The following SUGCT variants were observed in gnomAD, a reference collection of about 807,000 sequenced individuals.
SUGCT encodes the protein succinyl-CoA:glutarate CoA-transferase.
In SUGCT, 41 loss-of-function variants were observed where a neutral mutation model predicts 55.0. The observed-to-expected ratio is 0.74, with a 90% CI of 0.58 to 0.97. The LOEUF is 0.97. Among genes scored for constraint, SUGCT ranks in the 50% least tolerant of loss-of-function variants. The pLI, the probability that SUGCT is intolerant of heterozygous loss-of-function variation, is 0.00. For missense variants in SUGCT, 568 were observed against 547.8 expected, an observed-to-expected ratio of 1.04 and a Z score of -0.37; for synonymous variants, 187 against 200.4, an observed-to-expected ratio of 0.93 and a Z score of 0.56.
rs1274722376 is a variant in SUGCT, at chr7:40,702,358, A to C, written c.1090-47076A>C. Among the ~76,000 whole-genome samples the C allele has an allele frequency of 6.6e-5, 10 of 152,240 alleles. 1 individual carries two copies. Among genetic ancestry groups the C allele is most frequent in the Admixed American group, 5.9e-4 (9 of 15,284 alleles). On this transcript the variant is annotated intron_variant, in intron 12 of 13. Transcript: ENST00000335693. ...TGTGAAAGAAACTTGGCACTGTTCCAGGTGAGGGAAATAATAGAGTGAAAA... is the reference window on the plus strand; with the variant it reads ...TGTGAAAGAAACTTGGCACTGTTCCCGGTGAGGGAAATAATAGAGTGAAAA...
chr7:40,786,380 A>T (rs1790014227), intron 13 of SUGCT, among the ~76,000 whole-genome samples: 1 of 152,224 alleles, frequency 6.6e-6, no homozygotes, highest in African/African-American at 2.4e-5. Flanking sequence ...ATTCAATGTA[A>T]CACTTTTGAT....
chr7:40,853,464 A>G (rs1793961115), intron 13 of SUGCT, among the ~76,000 whole-genome samples: 1 of 152,116 alleles, frequency 6.6e-6, no homozygotes, highest in Non-Finnish European at 1.5e-5. Context: ...TCCCGGGCTC[A>G]AGAAATTCTC....
intron 7 of SUGCT, among the ~76,000 whole-genome samples, chr7:40,240,469 G>T (rs1181637405): frequency 2.6e-5 from 4 of 151,054 alleles, no homozygotes; most frequent in African/African-American, 4.9e-5. Flanking sequence ...GGTGACAAGA[G>T]CGAAACTCCA....
At chr7:40,690,824 C>A (rs886257586) in intron 12 of SUGCT, among the ~76,000 whole-genome samples, 8 of 152,262 alleles carry the variant, frequency 5.3e-5, no homozygotes, top group African/African-American at 1.2e-4. Context: ...GCCATCCACA[C>A]TCCTCAGCCT....
intron 11 of SUGCT, among the ~76,000 whole-genome samples, chr7:40,468,809 G>C (rs561751320): frequency 6.6e-6 from 1 of 152,134 alleles, no homozygotes; most frequent in African/African-American, 2.4e-5. Context: ...TGATTCCTTA[G>C]TGTAAATACA....
At chr7:40,810,208 C>T (rs1791336039) in intron 13 of SUGCT, among the ~76,000 whole-genome samples, 1 of 151,980 alleles carries the variant, frequency 6.6e-6, no homozygotes, top group Non-Finnish European at 1.5e-5. Context: ...TCACTGTAGC[C>T]TCAACCTCCC....
intron 6 of SUGCT, among the ~76,000 whole-genome samples, chr7:40,218,184 G>A (rs1310207088): frequency 3.3e-5 from 5 of 152,188 alleles, no homozygotes; most frequent in Admixed American, 1.3e-4. Context: ...CAGTGCTCCA[G>A]CCTGGGTGAC....
At chr7:40,315,009 A>T (rs1474939889) in intron 8 of SUGCT, among the ~76,000 whole-genome samples, 1 of 152,200 alleles carries the variant, frequency 6.6e-6, no homozygotes, top group African/African-American at 2.4e-5. Context: ...GTGTTGCAGG[A>T]CTGCTTCTGC....
At chr7:40,208,841 G>A (rs954836990) in intron 6 of SUGCT, among the ~76,000 whole-genome samples, 1 of 152,160 alleles carries the variant, frequency 6.6e-6, no homozygotes, top group Non-Finnish European at 1.5e-5. Context: ...CACTGCACCC[G>A]ACTGATTCTT....
chr7:40,303,754 A>G (rs761215313), intron 8 of SUGCT, among the ~76,000 whole-genome samples: 1 of 152,192 alleles, frequency 6.6e-6, no homozygotes, highest in Non-Finnish European at 1.5e-5. Flanking sequence ...CATGCATTAT[A>G]TTCCATACTT....
chr7:40,219,606 G>A (rs1787909062), intron 6 of SUGCT, among the ~76,000 whole-genome samples: 1 of 152,082 alleles, frequency 6.6e-6, no homozygotes, highest in African/African-American at 2.4e-5. Flanking sequence ...CAGGCCATGT[G>A]AATGGAGATT....
At chr7:40,820,294 C>A (rs1791917754) in intron 13 of SUGCT, among the ~76,000 whole-genome samples, 1 of 152,010 alleles carries the variant, frequency 6.6e-6, no homozygotes, top group Admixed American at 6.6e-5. Context: ...TTTTCCAATT[C>A]TGTGAAGAAA....
chr7:40,559,400 C>T (rs899452333), intron 12 of SUGCT, among the ~76,000 whole-genome samples: 29 of 152,278 alleles, frequency 1.9e-4, no homozygotes, highest in African/African-American at 6.5e-4. Flanking sequence ...TCTTATTTGT[C>T]GTGCTGTTTG....
rs1339459331 is a variant in SUGCT, at chr7:40,860,686, C to CT, written c.*215dup. On this transcript the variant is annotated 3_prime_UTR_variant, in exon 14 of 14. Coordinates refer to ENST00000335693, the MANE Select transcript of SUGCT (RefSeq NM_001193313.2). Reference sequence around the variant, plus strand: ...TATCCCACGTTTTGTTCCCTACCATCTTTTTTTTCAGATGATGATTTCATT... The same window carrying CT: ...TATCCCACGTTTTGTTCCCTACCATCTTTTTTTTTCAGATGATGATTTCATT... 78 of 404,652 alleles carry CT rather than the reference C, an allele frequency of 1.9e-4. No homozygotes were observed. The highest frequency in any genetic ancestry group is 2.2e-4 in the Non-Finnish European group (52 of 234,706). 25.1% of individuals were successfully genotyped at this position (404,652 alleles called of 1,614,324 possible). A position where few individuals can be genotyped will look rare whatever the true frequency, so the allele number is the denominator to read the frequency against.
chr7:40,847,264 G>A (rs937289788), intron 13 of SUGCT, among the ~76,000 whole-genome samples: 2 of 150,586 alleles, frequency 1.3e-5, no homozygotes, highest in Non-Finnish European at 3.0e-5. Flanking sequence ...TACACTACCT[G>A]TCCATCATGG....
At chr7:40,931,516 G>GT in the SUGCT span, among the ~76,000 whole-genome samples, 1 of 152,118 alleles carries the variant, frequency 6.6e-6, no homozygotes, top group South Asian at 2.1e-4. Context: ...CCTCTTTGTA[G>GT]TTTTGCTAGA....
chr7:40,543,281 C>T (rs1794804290), intron 12 of SUGCT, among the ~76,000 whole-genome samples: 1 of 152,258 alleles, frequency 6.6e-6, no homozygotes, highest in East Asian at 1.9e-4. Flanking sequence ...AATTAATATT[C>T]TTTATTTAGT....
intron 12 of SUGCT, among the ~76,000 whole-genome samples, chr7:40,666,024 G>A (rs1406135124): frequency 6.6e-6 from 1 of 152,042 alleles, no homozygotes; most frequent in African/African-American, 2.4e-5. Context: ...GAGGAAAAGA[G>A]CCTTGAATGG....
intron 12 of SUGCT, among the ~76,000 whole-genome samples, chr7:40,566,925 C>G (rs184728840): frequency 2.6e-5 from 4 of 152,250 alleles, no homozygotes; most frequent in Non-Finnish European, 4.4e-5. Flanking sequence ...ATCTGGGTAA[C>G]TTAAAAAAAT....
Sources: gnomAD v4.1 joint callset for allele counts (sites outside exome capture counted in the v4.1 genomes callset) on GRCh38, gnomAD v4.1.1 for gene constraint, MANE v1.5 for transcripts, NCBI Gene and HGNC (gene_info 2026-07-23, HGNC 2026-07-21) for gene names.